Variants in PZP observed in about 807,000 individuals in gnomAD.
PZP encodes PZP alpha-2-macroglobulin like, also known as pregnancy zone protein.
Under a neutral mutation model 179.8 loss-of-function variants are expected in PZP, and 150 were observed. The observed-to-expected ratio is 0.83, with a 90% CI of 0.73 to 0.96. The LOEUF is 0.96. PZP is among the 40% of genes least tolerant of loss of function. The probability of loss-of-function intolerance (pLI) is 0.00; values close to 1 mark genes in which losing one functional copy is unlikely to be tolerated. For synonymous variants in PZP, 624 were observed against 652.3 expected (o/e 0.96, Z 0.66); for missense variants, 1,689 against 1,764.0 (o/e 0.96, Z 0.76).
At chr12:9,151,430 GAA>G (rs1940344494) in intron 33 of PZP, among the ~76,000 whole-genome samples, 172 bp downstream of exon 33, 1 of 152,076 alleles carries the variant, frequency 6.6e-6, no homozygotes, top group Non-Finnish European at 1.5e-5. Flanking sequence ...AAATAGAACA[GAA>G]CACTACATGG....
At chr12:9,157,435 G>A in intron 27 of PZP, 80 bp from the exon 28 acceptor site, 1 of 1,333,092 alleles carries the variant, frequency 7.5e-7, no homozygotes, top group Non-Finnish European at 1.0e-6. Context: ...TTGACAGTCA[G>A]ATGTTATTAA....
At chr12:9,141,740 T>G in the PZP span, among the ~76,000 whole-genome samples, 1 of 152,226 alleles carries the variant, frequency 6.6e-6, no homozygotes, top group African/African-American at 2.4e-5. Flanking sequence ...TCAATAGTCT[T>G]AAATACATGT....
In PZP at chr12:9,149,558, T is replaced by C; in HGVS notation, c.4426+3A>G. 1.9e-6 allele frequency: 3 copies of C among 1,612,390 alleles called. No homozygotes were observed. The highest frequency in any genetic ancestry group is 2.5e-6 in the Non-Finnish European group (3 of 1,178,950). Reference sequence around the variant, plus strand: ...GTACTGGTCATAAGTGGTGAACTCTTACCTGTGCTGCAGGGGGCGATATAC... The same window carrying C: ...GTACTGGTCATAAGTGGTGAACTCTCACCTGTGCTGCAGGGGGCGATATAC... On this transcript the variant is annotated splice_donor_region_variant and intron_variant, in intron 35 of 35. Transcript: ENST00000261336.
downstream of PZP, among the ~76,000 whole-genome samples, chr12:9,148,457 T>C (rs1474947248): frequency 6.6e-6 from 1 of 152,096 alleles, no homozygotes; most frequent in Non-Finnish European, 1.5e-5. Context: ...TTCACTCTCA[T>C]CTCTTTATTT....
chr12:9,170,704 G>A lies in PZP; in HGVS notation c.1840-1113C>T, dbSNP rs998664657. 8.5e-5 allele frequency among the ~76,000 whole-genome samples: 13 copies of A among 152,170 alleles called. No individual in the cohort carries two copies. The highest frequency in any genetic ancestry group is 3.2e-3 in the Middle Eastern group (1 of 316). The stretch of plus-strand genomic sequence containing the variant: ...GTCTGGATGAGGAACGGTCCCCCAC[G>A]ATGCAGCACAGCTGCCTTGCCAGAT... On this transcript the variant is annotated intron_variant, in intron 15 of 35. Transcript: ENST00000261336. The surrounding 1 kb of genome is among the most constrained non-coding windows in gnomAD (Gnocchi z 4.6).
chr12:9,164,808 A>G (rs1941469952), intron 19 of PZP, among the ~76,000 whole-genome samples: 1 of 152,212 alleles, frequency 6.6e-6, no homozygotes, highest in Non-Finnish European at 1.5e-5. Context: ...CGGGTTGGAG[A>G]ATGACTCTCG....
At chr12:9,163,914 G>A in intron 20 of PZP, 125 bp from the exon 21 acceptor site, 1 of 1,326,300 alleles carries the variant, frequency 7.5e-7, no homozygotes, top group Non-Finnish European at 1.0e-6. Flanking sequence ...AAACCCACAA[G>A]GTTAATGTAT....
intron 35 of PZP, among the ~76,000 whole-genome samples, chr12:9,149,299 A>G (rs1940178646): frequency 1.3e-5 from 2 of 152,252 alleles, no homozygotes; most frequent in South Asian, 4.1e-4. Flanking sequence ...AAGCCCAATT[A>G]GCTGTGAAGT....
intron 17 of PZP, among the ~76,000 whole-genome samples, 154 bp from the exon 18 acceptor site, chr12:9,166,356 C>A (rs1417302150): frequency 6.6e-6 from 1 of 152,086 alleles, no homozygotes; most frequent in Non-Finnish European, 1.5e-5. Flanking sequence ...ACTTTGTGAT[C>A]CCTCATTCCC....
chr12:9,148,330 C>T (rs995621410), downstream of PZP, among the ~76,000 whole-genome samples: 1 of 152,078 alleles, frequency 6.6e-6, no homozygotes, highest in Admixed American at 6.6e-5. Flanking sequence ...GCAGGTTACT[C>T]CCCTTTTATT....
chr12:9,168,680 CT>C (rs763310686), intron 17 of PZP, 188 bp downstream of exon 17: 6 of 504,270 alleles, frequency 1.2e-5, no homozygotes, highest in Non-Finnish European at 2.1e-5. Flanking sequence ...TCGGATGTAT[CT>C]AAAAAAAAAT....
At chr12:9,160,160 G>T in intron 24 of PZP, 135 bp from the exon 25 acceptor site, 2 of 1,123,522 alleles carry the variant, frequency 1.8e-6, no homozygotes, top group Non-Finnish European at 2.6e-6. Flanking sequence ...TGAATGTTAT[G>T]GATAGATCAA....
intron 17 of PZP, chr12:9,167,458 G>A (rs1941666118): frequency 6.6e-6 from 1 of 152,086 alleles, no homozygotes; most frequent in Non-Finnish European, 1.5e-5. Flanking sequence ...AGAGATCCTT[G>A]GGAGAAATGT....
chr12:9,192,362 AT>A, intron 12 of PZP, 106 bp from the exon 13 acceptor site: 1 of 1,319,006 alleles, frequency 7.6e-7, no homozygotes, highest in South Asian at 1.2e-5. Context: ...GCTGGAGAGA[AT>A]CAACCTCAAG....
intron 1 of PZP, among the ~76,000 whole-genome samples, chr12:9,205,676 T>C (rs180683169): frequency 5.3e-5 from 8 of 152,320 alleles, no homozygotes; most frequent in Middle Eastern, 3.4e-3. Context: ...TAGAGTAAAT[T>C]TGCAAGTAAA....
chr12:9,153,044 C>T (rs1052014135), intron 30 of PZP, 81 bp downstream of exon 30: 14 of 1,604,438 alleles, frequency 8.7e-6, no homozygotes, highest in Non-Finnish European at 1.2e-5. Context: ...CTTTTACTTT[C>T]CCAGGAAGGA....
Position 9,168,974 on chromosome 12 carries a change from C to A in PZP, c.2002G>T (p.Gly668Trp). Residue 668 changes from glycine (G) to tryptophan (W), a missense_variant and splice_region_variant, in exon 17 of 36, where the codon GGG (glycine) becomes TGG (tryptophan). This residue lies in a region of PZP where 201 missense variants were observed against 284.2 expected (regional missense o/e 0.71). Coordinates refer to ENST00000261336, the MANE Select transcript of PZP (RefSeq NM_002864.3). ...NEADIYSFLK[G>W]MGLKVFTNSK... ...TTAGTGAACACCTTCAATCCCATCC[C>A]CTGGAAAAAAATAATTGTTCAATCT... 1.2e-6 allele frequency: 2 copies of A among 1,608,642 alleles called. No homozygotes were observed. The highest frequency in any genetic ancestry group is 1.7e-6 in the Non-Finnish European group (2 of 1,175,578).
chr12:9,145,649 T>C (rs889256207), downstream of PZP, among the ~76,000 whole-genome samples: 1 of 152,206 alleles, frequency 6.6e-6, no homozygotes, highest in Admixed American at 6.5e-5. Flanking sequence ...TTTCATACCT[T>C]CTCTTGATAT....
At chr12:9,174,367 A>G (rs1369899742) in intron 15 of PZP, among the ~76,000 whole-genome samples, 1 of 152,202 alleles carries the variant, frequency 6.6e-6, no homozygotes, top group African/African-American at 2.4e-5. Flanking sequence ...CCAATATCAT[A>G]CTGAATGGGA....
Sources: gnomAD v4.1 joint callset for allele counts (sites outside exome capture counted in the v4.1 genomes callset) on GRCh38, gnomAD v4.1.1 for gene constraint, gnomAD v4.1.1 regional missense constraint, Gnocchi (gnomAD v3.1) non-coding constraint, MANE v1.5 for transcripts, NCBI Gene and HGNC (gene_info 2026-07-23, HGNC 2026-07-21) for gene names.